Variants in NRCAM observed in about 807,000 individuals in gnomAD.
NRCAM encodes the protein NgCAM-related cell adhesion molecule.
A neutral mutation model predicts 156.5 loss-of-function variants in NRCAM; 83 were observed. The observed-to-expected ratio is 0.53, with a 90% confidence interval of 0.44 to 0.64. The LOEUF (loss-of-function observed/expected upper bound fraction) is 0.64, where lower values mean the gene tolerates loss of function less well. NRCAM is among the 30% of genes least tolerant of loss of function. The pLI is 0.00. For synonymous variants in NRCAM, 538 were observed against 563.9 expected, an observed-to-expected ratio of 0.95 and a Z score of 0.65; for missense variants, 1,417 against 1,597.3, an observed-to-expected ratio of 0.89 and a Z score of 1.92.
intron 2 of NRCAM, among the ~76,000 whole-genome samples, chr7:108,320,302 A>T (rs1207882399): frequency 6.6e-6 from 1 of 152,096 alleles, no homozygotes; most frequent in Non-Finnish European, 1.5e-5. Context: ...AAATAAAAAT[A>T]AAAATAAATT....
chr7:108,174,787 G>A (rs2059854304), intron 28 of NRCAM, among the ~76,000 whole-genome samples: 1 of 152,240 alleles, frequency 6.6e-6, no homozygotes, highest in Non-Finnish European at 1.5e-5. Context: ...TCACTTGCAG[G>A]GGACCCTAAG....
chr7:108,431,978 T>C (rs754487724), intron 1 of NRCAM, among the ~76,000 whole-genome samples: 4 of 152,172 alleles, frequency 2.6e-5, no homozygotes, highest in Non-Finnish European at 5.9e-5. Context: ...GCCCAACCTG[T>C]CAAAGTTTTA....
chr7:108,317,139 G>A (rs534183886), intron 2 of NRCAM, among the ~76,000 whole-genome samples: 6 of 152,254 alleles, frequency 3.9e-5, no homozygotes, highest in African/African-American at 1.2e-4. Context: ...CCAAATTCAT[G>A]GTCTGCATCA....
rs1376604139 is a variant in NRCAM, at chr7:108,312,652, G to C, written c.-107+13C>G. On this transcript the variant is annotated intron_variant, in intron 3 of 32. Coordinates refer to ENST00000379028, the MANE Select transcript of NRCAM (RefSeq NM_001037132.4). ...ACTACGAATTCAAATGTTTTGAGAAGACAAACTCTTACCTTTGAAGAAGCT... is the reference window on the plus strand; with the variant it reads ...ACTACGAATTCAAATGTTTTGAGAACACAAACTCTTACCTTTGAAGAAGCT... 1 of 152,138 alleles carries C rather than the reference G, an allele frequency of 6.6e-6. No homozygotes were observed. The highest frequency in any genetic ancestry group is 1.5e-5 in the Non-Finnish European group (1 of 68,014). The allele number at this position is 152,138 out of a possible 1,614,324, so 9.4% of individuals were successfully genotyped here. A position where few individuals can be genotyped will look rare whatever the true frequency, so the allele number is the denominator to read the frequency against.
In NRCAM at chr7:108,189,754, C is replaced by A. The variant is rs1200051441; in HGVS notation, c.1934-8G>T. On this transcript the variant is annotated splice_region_variant and splice_polypyrimidine_tract_variant and intron_variant, in intron 19 of 32. Transcript: ENST00000379028. ...AGGGAGGATTTGGGACATCTGTAGA[C>A]CAAACATACACACATCATGGTCACG... 9.2e-7 allele frequency: 1 copy of A among 1,083,766 alleles called. No individual in the cohort carries two copies. Among genetic ancestry groups the A allele is most frequent in the Admixed American group, 1.7e-5 (1 of 57,382 alleles). 67.1% of individuals were successfully genotyped at this position (1,083,766 alleles called of 1,614,324 possible). A position where few individuals can be genotyped will look rare whatever the true frequency, so the allele number is the denominator to read the frequency against.
chr7:108,449,091 T>C (rs1057117735), intron 1 of NRCAM, among the ~76,000 whole-genome samples: 1 of 152,246 alleles, frequency 6.6e-6, no homozygotes, highest in Non-Finnish European at 1.5e-5. Context: ...AATGTTTTAA[T>C]GCAGCGTACA....
chr7:108,337,285 G>A (rs577275488), intron 2 of NRCAM, among the ~76,000 whole-genome samples: 30 of 150,404 alleles, frequency 2.0e-4, no homozygotes, highest in African/African-American at 5.4e-4. Context: ...AAAAAACCAC[G>A]GCTACCCTCT....
chr7:108,403,526 T>A (rs2099798858), intron 1 of NRCAM, among the ~76,000 whole-genome samples: 1 of 152,216 alleles, frequency 6.6e-6, no homozygotes, highest in Non-Finnish European at 1.5e-5. Flanking sequence ...TAATTACCAA[T>A]ACTCTAAGTT....
chr7:108,331,022 A>G (rs2099121044), intron 2 of NRCAM, among the ~76,000 whole-genome samples: 1 of 152,212 alleles, frequency 6.6e-6, no homozygotes, highest in African/African-American at 2.4e-5. Flanking sequence ...ATCCATTTTA[A>G]GCACACAAAA....
chr7:108,340,774 T>C (rs576662187), intron 2 of NRCAM, among the ~76,000 whole-genome samples: 1 of 152,200 alleles, frequency 6.6e-6, no homozygotes, highest in Non-Finnish European at 1.5e-5. Flanking sequence ...AAGGGAGGCC[T>C]TGAGAAAGCA....
Position 108,306,906 on chromosome 7 carries a change from T to C in NRCAM, c.-107+5759A>G, listed in dbSNP as rs187426374. On this transcript the variant is annotated intron_variant, in intron 3 of 32. Coordinates refer to ENST00000379028, the MANE Select transcript of NRCAM (RefSeq NM_001037132.4). ...AACTGTACTCCATAAGTATTTTCAG[T>C]TTTATTTCTTTACAAAACTTTTGAA... Among the ~76,000 whole-genome samples, 724 of 152,286 alleles carry C rather than the reference T, an allele frequency of 4.8e-3. 3 individuals are homozygous for C. Among genetic ancestry groups the C allele is most frequent in the Non-Finnish European group, 8.4e-3 (571 of 68,010 alleles).
chr7:108,171,207 C>T (rs1029696117), intron 28 of NRCAM, among the ~76,000 whole-genome samples: 5 of 152,178 alleles, frequency 3.3e-5, no homozygotes, highest in Admixed American at 6.5e-5. Context: ...CGGTGTGCCT[C>T]GCCCAACTGT....
At chr7:108,250,442 A>AAAG (rs1554401845) in intron 3 of NRCAM, among the ~76,000 whole-genome samples, 2 of 151,280 alleles carry the variant, frequency 1.3e-5, no homozygotes, top group African/African-American at 4.8e-5. Context: ...AAAAAAAAAA[A>AAAG]AAAAAAAAGA....
intron 3 of NRCAM, among the ~76,000 whole-genome samples, chr7:108,288,514 A>C (rs996903267): frequency 6.6e-6 from 1 of 152,148 alleles, no homozygotes; most frequent in Non-Finnish European, 1.5e-5. Context: ...TTATATGCCA[A>C]TTAGTTTAGA....
intron 2 of NRCAM, among the ~76,000 whole-genome samples, chr7:108,319,515 T>G (rs1410861090): frequency 4.6e-5 from 7 of 152,190 alleles, no homozygotes; most frequent in Non-Finnish European, 7.3e-5. Flanking sequence ...AAGTGAACCT[T>G]AGAAAACCAG....
chr7:108,402,062 A>G (rs1441792992), intron 1 of NRCAM, among the ~76,000 whole-genome samples: 1 of 152,232 alleles, frequency 6.6e-6, no homozygotes, highest in Admixed American at 6.5e-5. Context: ...GGAGAAGTTC[A>G]GCTCAGGCAG....
intron 2 of NRCAM, among the ~76,000 whole-genome samples, chr7:108,378,338 T>C (rs1469812092): frequency 6.6e-6 from 1 of 151,974 alleles, no homozygotes; most frequent in African/African-American, 2.4e-5. Flanking sequence ...ATTGGACAAG[T>C]AAACAAGTTA....
Position 108,168,322 on chromosome 7 carries a change from C to T in NRCAM, c.3268G>A (p.Gly1090Arg). 1.9e-6 allele frequency: 3 copies of T among 1,607,686 alleles called. No homozygotes were observed. The highest frequency in any genetic ancestry group is 2.5e-6 in the Non-Finnish European group (3 of 1,177,290). The change falls in exon 29 of 33, where the codon GGA becomes AGA. Residue 1090 changes from glycine (G) to arginine (R), a missense_variant. This residue lies in a region of NRCAM where 1,238 missense variants were observed against 1,336.4 expected (regional missense o/e 0.93). Transcript: ENST00000379028. ...ACATAAAAGTTCACATGCTCTGGTC[C>T]CTCATATTCCCAACTGATATTGGCA... ...TYANISWEYEGPEHVNFYVEY... is the reference protein window; with the variant it reads ...TYANISWEYERPEHVNFYVEY...
intron 3 of NRCAM, among the ~76,000 whole-genome samples, chr7:108,241,856 T>C (rs757750691): frequency 6.6e-6 from 1 of 152,144 alleles, no homozygotes; most frequent in Admixed American, 6.6e-5. Flanking sequence ...CATGTCTCTG[T>C]GTGGAATAGT....
Sources: gnomAD v4.1 joint callset for allele counts (sites outside exome capture counted in the v4.1 genomes callset) on GRCh38, gnomAD v4.1.1 for gene constraint, gnomAD v4.1.1 regional missense constraint, MANE v1.5 for transcripts, NCBI Gene and HGNC (gene_info 2026-07-23, HGNC 2026-07-21) for gene names.